The following MGMT variants were observed in gnomAD, a reference collection of about 807,000 sequenced individuals.
MGMT encodes O-6-methylguanine-DNA methyltransferase.
MGMT carries 14 observed loss-of-function variants against 15.9 expected under a neutral mutation model. The ratio of observed to expected loss-of-function variants is 0.88; its 90% CI spans 0.58 to 1.37. MGMT has a LOEUF of 1.37. Ranked by LOEUF, MGMT falls within the 40% of genes most tolerant of loss-of-function variation. The pLI, the probability that MGMT is intolerant of heterozygous loss-of-function variation, is 0.00. For synonymous variants in MGMT, 130 were observed against 118.2 expected (o/e 1.10, Z -0.65); for missense variants, 282 against 268.1 (o/e 1.05, Z -0.36).
rs1407210746 is a variant in MGMT, at chr10:129,770,546, G to A, written c.*3549G>A. Among the ~76,000 whole-genome samples, 1 of 152,214 alleles carries A rather than the reference G, an allele frequency of 6.6e-6. No homozygotes were observed. The highest frequency in any genetic ancestry group is 2.4e-5 in the African/African-American group (1 of 41,458). On this transcript the variant is annotated 3_prime_UTR_variant, in exon 5 of 5. Coordinates refer to ENST00000651593, the MANE Select transcript of MGMT (RefSeq NM_002412.5). The stretch of plus-strand genomic sequence containing the variant: ...CCCGTAGCTGTGACCATGGGCGGTG[G>A]CGCCAGCTCGGACTTCACCCCGTTG...
intron 1 of MGMT, among the ~76,000 whole-genome samples, chr10:129,517,553 G>C (rs1845751961): frequency 3.9e-5 from 6 of 152,206 alleles, no homozygotes; most frequent in Admixed American, 3.9e-4. Context: ...GTTCACGGGA[G>C]GAAGGGTGTC....
At chr10:129,675,701 G>A (rs781676630) in intron 2 of MGMT, among the ~76,000 whole-genome samples, 1 of 152,156 alleles carries the variant, frequency 6.6e-6, no homozygotes, top group East Asian at 1.9e-4. Flanking sequence ...TATGGCCTGA[G>A]AGCCACACAC....
chr10:129,763,460 A>G (rs1274904175), intron 4 of MGMT, among the ~76,000 whole-genome samples: 1 of 152,208 alleles, frequency 6.6e-6, no homozygotes, highest in Non-Finnish European at 1.5e-5. Flanking sequence ...AGGACCGGTC[A>G]CAGCTGTCGG....
At chr10:129,655,857 C>T (rs772317644) in intron 2 of MGMT, among the ~76,000 whole-genome samples, 4 of 152,132 alleles carry the variant, frequency 2.6e-5, no homozygotes, top group African/African-American at 4.8e-5. Context: ...CTGGAGGAAA[C>T]GCACAGTGTC....
chr10:129,765,569 G>C (rs531416053), intron 4 of MGMT, among the ~76,000 whole-genome samples: 1 of 152,198 alleles, frequency 6.6e-6, no homozygotes, highest in Non-Finnish European at 1.5e-5. Context: ...GGCAGGGGGT[G>C]GGGGGCCAGT....
chr10:129,562,830 C>T (rs1846295894), intron 2 of MGMT, among the ~76,000 whole-genome samples: 1 of 152,188 alleles, frequency 6.6e-6, no homozygotes, highest in South Asian at 2.1e-4. Context: ...AATAGGAACA[C>T]ACATGCTGAG....
chr10:129,530,665 A>G (rs527584504), intron 1 of MGMT, among the ~76,000 whole-genome samples: 1 of 152,338 alleles, frequency 6.6e-6, no homozygotes, highest in South Asian at 2.1e-4. Flanking sequence ...AATGCAAACC[A>G]GCTGCATCTC....
intron 2 of MGMT, among the ~76,000 whole-genome samples, chr10:129,572,487 G>A (rs974361997): frequency 1.3e-5 from 2 of 152,196 alleles, no homozygotes; most frequent in African/African-American, 2.4e-5. Context: ...TCCTCAGAGT[G>A]TCTTCTGAGT....
chr10:129,494,004 G>A (rs1271311633), intron 1 of MGMT, among the ~76,000 whole-genome samples: 1 of 152,134 alleles, frequency 6.6e-6, no homozygotes, highest in Non-Finnish European at 1.5e-5. Flanking sequence ...TTTTGGAGAT[G>A]GCATAGTGTC....
chr10:129,647,193 G>A (rs899216841), intron 2 of MGMT, among the ~76,000 whole-genome samples: 3 of 152,158 alleles, frequency 2.0e-5, no homozygotes, highest in Admixed American at 6.5e-5. Context: ...AGGCGCCTGC[G>A]GAATGGTGGT....
chr10:129,544,728 C>T (rs1285790256), intron 2 of MGMT, among the ~76,000 whole-genome samples: 1 of 152,212 alleles, frequency 6.6e-6, no homozygotes, highest in Non-Finnish European at 1.5e-5. Flanking sequence ...CCTCTCGGTC[C>T]CCTCGCCTCA....
chr10:129,729,242 A>G (rs1848469208), intron 3 of MGMT, among the ~76,000 whole-genome samples: 1 of 152,172 alleles, frequency 6.6e-6, no homozygotes. Flanking sequence ...GAAAAACGAA[A>G]GGGCCCCACG....
intron 1 of MGMT, among the ~76,000 whole-genome samples, chr10:129,508,038 C>G (rs1453469562): frequency 6.6e-6 from 1 of 152,094 alleles, no homozygotes; most frequent in Admixed American, 6.5e-5. Context: ...TGAGGAGTCT[C>G]CCATTTCCTT....
intron 2 of MGMT, among the ~76,000 whole-genome samples, chr10:129,559,488 C>T (rs969836223): frequency 6.6e-6 from 1 of 152,040 alleles, no homozygotes; most frequent in South Asian, 2.1e-4. Context: ...AACCCCTGTT[C>T]TAGCTCCATT....
intron 3 of MGMT, among the ~76,000 whole-genome samples, chr10:129,741,114 A>G (rs1330944878): frequency 6.6e-6 from 1 of 152,094 alleles, no homozygotes; most frequent in African/African-American, 2.4e-5. Context: ...TGTTTTGGCA[A>G]ACTTTCTTCC....
intron 3 of MGMT, among the ~76,000 whole-genome samples, chr10:129,730,210 C>G (rs1051984335): frequency 3.3e-5 from 5 of 152,050 alleles, no homozygotes; most frequent in African/African-American, 4.8e-5. Context: ...CAACCATTGG[C>G]GCATTGAGCA....
intron 4 of MGMT, among the ~76,000 whole-genome samples, chr10:129,762,184 C>T (rs986419438): frequency 1.3e-5 from 2 of 152,146 alleles, no homozygotes; most frequent in East Asian, 1.9e-4. Flanking sequence ...CCAGACGGTG[C>T]GTCGCTGAGA....
At chr10:129,584,351 T>G (rs1309892843) in intron 2 of MGMT, among the ~76,000 whole-genome samples, 1 of 152,174 alleles carries the variant, frequency 6.6e-6, no homozygotes, top group African/African-American at 2.4e-5. Context: ...TATCTCAAAT[T>G]TTAATTGCCA....
intron 2 of MGMT, among the ~76,000 whole-genome samples, chr10:129,680,752 GC>G (rs1194069180): frequency 6.6e-6 from 1 of 152,194 alleles, no homozygotes; most frequent in African/African-American, 2.4e-5. Context: ...ACCCTCCTTT[GC>G]CCCCGTGGGG....
Sources: gnomAD v4.1 joint callset for allele counts (sites outside exome capture counted in the v4.1 genomes callset) on GRCh38, gnomAD v4.1.1 for gene constraint, MANE v1.5 for transcripts, NCBI Gene and HGNC (gene_info 2026-07-23, HGNC 2026-07-21) for gene names.